Variants in NBEA observed in about 807,000 individuals in gnomAD.
NBEA encodes lysosomal-trafficking regulator 2.
A neutral mutation model predicts 343.4 loss-of-function variants in NBEA; 44 were observed. The observed-to-expected ratio is 0.13, with a 90% CI of 0.10 to 0.16. The LOEUF (loss-of-function observed/expected upper bound fraction) is 0.16. Ranked by LOEUF, NBEA falls within the 10% of genes least tolerant of loss-of-function variation. The pLI, the probability that NBEA is intolerant of heterozygous loss-of-function variation, is 1.00. For synonymous variants in NBEA, 1,175 were observed against 1,238.7 expected, an observed-to-expected ratio of 0.95 and a Z score of 1.08; for missense variants, 2,555 against 3,631.3, an observed-to-expected ratio of 0.70 and a Z score of 7.62.
chr13:35,484,268 GTGTGTGTATA>G (rs780649209), intron 41 of NBEA, among the ~76,000 whole-genome samples: 3,946 of 107,302 alleles, frequency 0.037, 88 homozygotes, highest in Non-Finnish European at 0.059. Flanking sequence ...GTGTGTGTGT[GTGTGTGTATA>G]TATATATATA....
chr13:35,449,482 G>C (rs1411980153), intron 39 of NBEA, among the ~76,000 whole-genome samples: 4 of 152,206 alleles, frequency 2.6e-5, no homozygotes, highest in Non-Finnish European at 5.9e-5. Context: ...GAAATGTTCA[G>C]TTAATAGTAT....
chr13:34,942,827 A>G lies in NBEA; in HGVS notation c.7A>G (p.Ser3Gly). The part of the protein sequence containing the change: MA[S>G]EKPGPGPGLE... ...CTCCTCAGGAGGGGGGCCAATGGCT[A>G]GCGAGAAGCCGGGCCCGGGCCCGGG... The change falls in exon 1 of 59, where the codon AGC (serine) becomes GGC (glycine). Residue 3 changes from serine to glycine, a missense_variant. Coordinates refer to ENST00000379939, the MANE Select transcript of NBEA (RefSeq NM_001385012.1). The G allele has an allele frequency of 2.9e-6, 4 of 1,357,198 alleles. No individual in the cohort carries two copies. Among genetic ancestry groups the G allele is most frequent in the Non-Finnish European group, 3.8e-6 (4 of 1,052,352 alleles). 84.1% of individuals were successfully genotyped at this position (1,357,198 alleles called of 1,614,324 possible). A position where few individuals can be genotyped will look rare whatever the true frequency, so the allele number is the denominator to read the frequency against.
chr13:35,393,934 A>G (rs774014308), intron 38 of NBEA, among the ~76,000 whole-genome samples: 1 of 152,104 alleles, frequency 6.6e-6, no homozygotes, highest in Non-Finnish European at 1.5e-5. Context: ...GTTAAACAGT[A>G]TAACTACTAC....
chr13:35,651,594 C>T (rs189513399), intron 52 of NBEA, among the ~76,000 whole-genome samples: 1 of 152,204 alleles, frequency 6.6e-6, no homozygotes, highest in Non-Finnish European at 1.5e-5. Context: ...AAAACTCTTC[C>T]CAGCCTTGTA....
intron 35 of NBEA, among the ~76,000 whole-genome samples, chr13:35,292,905 C>T (rs2035888054): frequency 6.6e-6 from 1 of 151,746 alleles, no homozygotes; most frequent in African/African-American, 2.4e-5. Context: ...TTTTGAGAGA[C>T]CGGGCAGATA....
At chr13:35,244,769 G>T (rs2030922629) in intron 34 of NBEA, among the ~76,000 whole-genome samples, 1 of 151,888 alleles carries the variant, frequency 6.6e-6, no homozygotes, top group Admixed American at 6.6e-5. Flanking sequence ...ATGTGTTTTT[G>T]TTTGTTTGTG....
chr13:35,472,582 G>A lies in NBEA; in HGVS notation c.6585+46G>A, dbSNP rs757619736. 8.7e-6 allele frequency: 14 copies of A among 1,611,870 alleles called. No individual in the cohort carries two copies. The Admixed American group carries it at 1.7e-4, about 19-fold the overall frequency. On this transcript the variant is annotated intron_variant, in intron 41 of 58. Transcript: ENST00000379939. ...GTACAGTATTGGTGGCTTTGTGGCA[G>A]GAAGTGGTTTTCAATTTTGTTTGGT...
intron 1 of NBEA, among the ~76,000 whole-genome samples, chr13:35,002,984 A>C (rs1232895288): frequency 1.3e-5 from 2 of 152,156 alleles, no homozygotes; most frequent in Non-Finnish European, 2.9e-5. Flanking sequence ...CAACAAATAA[A>C]ACCTCAGTAA....
intron 10 of NBEA, among the ~76,000 whole-genome samples, chr13:35,084,357 A>G (rs1299381230): frequency 6.7e-6 from 1 of 150,088 alleles, no homozygotes; most frequent in African/African-American, 2.5e-5. Flanking sequence ...GTAAAAGAAC[A>G]GAAATTATAA....
At chr13:35,032,215 G>T (rs572590796) in intron 1 of NBEA, among the ~76,000 whole-genome samples, 12 of 151,908 alleles carry the variant, frequency 7.9e-5, no homozygotes, top group Non-Finnish European at 1.2e-4. Flanking sequence ...AGCTGTTTGA[G>T]GAATCGCCAT....
intron 38 of NBEA, among the ~76,000 whole-genome samples, chr13:35,357,879 A>G (rs902976930): frequency 3.3e-5 from 5 of 152,168 alleles, no homozygotes; most frequent in Non-Finnish European, 5.9e-5. Context: ...ATAGATATCC[A>G]ATGCTTATTA....
intron 1 of NBEA, among the ~76,000 whole-genome samples, chr13:34,963,736 G>A (rs1036117545): frequency 3.4e-5 from 5 of 148,208 alleles, no homozygotes; most frequent in Non-Finnish European, 5.9e-5. Flanking sequence ...ATTCTCACAT[G>A]CCTTCATCTG....
At chr13:35,135,450 A>AT (rs2067662564) in intron 17 of NBEA, among the ~76,000 whole-genome samples, 1 of 151,086 alleles carries the variant, frequency 6.6e-6, no homozygotes, top group African/African-American at 2.5e-5. Context: ...CCTGAAAACC[A>AT]TTAAAAATTA....
At chr13:35,278,631 C>A (rs1408077153) in intron 34 of NBEA, among the ~76,000 whole-genome samples, 1 of 152,080 alleles carries the variant, frequency 6.6e-6, no homozygotes, top group Admixed American at 6.6e-5. Context: ...AACTAAGAAC[C>A]AATACTTTTC....
intron 1 of NBEA, among the ~76,000 whole-genome samples, chr13:34,974,477 A>T (rs1433166285): frequency 6.6e-6 from 1 of 152,206 alleles, no homozygotes; most frequent in Non-Finnish European, 1.5e-5. Context: ...ACAAAGATGA[A>T]CATTTAAAAG....
chr13:35,044,990 C>G lies in NBEA; in HGVS notation c.570C>G (p.Ile190Met). Residue 190 changes from isoleucine (I) to methionine (M), a missense_variant, in exon 3 of 59, where the codon ATC (isoleucine) becomes ATG (methionine). Around this residue, in one of 21 missense-constraint regions of NBEA, gnomAD observed 185 missense variants for 290.6 expected, o/e 0.64. Transcript: ENST00000379939. The stretch of plus-strand genomic sequence containing the variant: ...TGGGGGTTCTTGCCAGCTACAGCAT[C>G]ACTGTCAAGGAGTTGAAGCTTTTGT... ...DMLGVLASYSITVKELKLLFS... is the reference protein window; with the variant it reads ...DMLGVLASYSMTVKELKLLFS... 1 of 1,612,054 alleles carries G rather than the reference C, an allele frequency of 6.2e-7. No individual in the cohort carries two copies. The highest frequency in any genetic ancestry group is 8.5e-7 in the Non-Finnish European group (1 of 1,179,056).
intron 57 of NBEA, 89 bp from the exon 58 acceptor site, chr13:35,668,279 G>T: frequency 1.5e-6 from 2 of 1,313,634 alleles, no homozygotes; most frequent in Non-Finnish European, 2.1e-6. Context: ...AGTGACAGTT[G>T]GCTATTTAGG....
intron 35 of NBEA, among the ~76,000 whole-genome samples, chr13:35,304,522 T>G (rs1004545485): frequency 6.6e-6 from 1 of 152,172 alleles, no homozygotes. Context: ...CCCGGCTAAT[T>G]TTTGTATGAC....
At chr13:35,221,591 A>C (rs2074374953) in intron 33 of NBEA, among the ~76,000 whole-genome samples, 1 of 152,130 alleles carries the variant, frequency 6.6e-6, no homozygotes, top group African/African-American at 2.4e-5. Flanking sequence ...ACATAATATG[A>C]AAGTACAAAG....
Sources: allele counts gnomAD v4.1 joint callset (sites outside exome capture counted in the v4.1 genomes callset), GRCh38; gene constraint gnomAD v4.1.1; regional missense constraint gnomAD v4.1.1; transcripts MANE v1.5; gene names NCBI Gene and HGNC (gene_info 2026-07-23, HGNC 2026-07-21).